Variants in SAMD12 observed in about 807,000 individuals in gnomAD.
SAMD12 encodes sterile alpha motif domain containing 12, also known as sterile alpha motif domain-containing protein 12.
SAMD12 carries 9 observed loss-of-function variants against 15.0 expected under a neutral mutation model. The observed-to-expected ratio is 0.60, with a 90% CI of 0.36 to 1.05. The LOEUF (loss-of-function observed/expected upper bound fraction) is 1.05, where lower values mean the gene tolerates loss of function less well. Among genes scored for constraint, SAMD12 ranks in the 50% least tolerant of loss-of-function variants. The pLI is 0.01. For missense variants in SAMD12, 230 were observed against 234.2 expected, an observed-to-expected ratio of 0.98 and a Z score of 0.12; for synonymous variants, 86 against 90.1, an observed-to-expected ratio of 0.96 and a Z score of 0.25.
At chr8:118,173,733 G>A in the SAMD12 span, among the ~76,000 whole-genome samples, 1 of 150,540 alleles carries the variant, frequency 6.6e-6, no homozygotes, top group Non-Finnish European at 1.5e-5. Context: ...GGGTTCAAGT[G>A]ATTCTCATGC....
chr8:118,620,841 TGACTGCACTCA>T (rs1828381554), intron 1 of SAMD12, among the ~76,000 whole-genome samples: 1 of 152,232 alleles, frequency 6.6e-6, no homozygotes, highest in East Asian at 1.9e-4. Flanking sequence ...CCCTCTGACC[TGACTGCACTCA>T]GAAACCAAAA....
intron 4 of SAMD12, among the ~76,000 whole-genome samples, chr8:118,340,953 T>G (rs778997041): frequency 3.9e-5 from 6 of 152,192 alleles, no homozygotes; most frequent in Non-Finnish European, 7.4e-5. Context: ...AGTTGTCTAT[T>G]CTAAATTTGT....
At chr8:118,320,672 T>TGGGG (rs71569763) in intron 4 of SAMD12, among the ~76,000 whole-genome samples, 157 of 85,296 alleles carry the variant, frequency 1.8e-3, no homozygotes, top group African/African-American at 4.3e-3. Flanking sequence ...TGTCGTGGGG[T>TGGGG]GGGGGGGGTG....
At chr8:118,152,695 C>T in the SAMD12 span, among the ~76,000 whole-genome samples, 37 of 152,196 alleles carry the variant, frequency 2.4e-4, no homozygotes, top group African/African-American at 8.2e-4. Context: ...GACAGGATTT[C>T]ACCATGTCGC....
chr8:118,538,490 C>A (rs2131142823), intron 2 of SAMD12, among the ~76,000 whole-genome samples: 1 of 152,304 alleles, frequency 6.6e-6, no homozygotes, highest in East Asian at 1.9e-4. Context: ...CCCCTGTGGA[C>A]ACTGGTTGAG....
intron 2 of SAMD12, among the ~76,000 whole-genome samples, chr8:118,566,977 T>C (rs545838494): frequency 1.3e-5 from 2 of 152,310 alleles, no homozygotes; most frequent in Middle Eastern, 3.4e-3. Flanking sequence ...AATATATACA[T>C]GTTTTTTCCA....
chr8:118,278,245 A>G (rs962744294), intron 4 of SAMD12, among the ~76,000 whole-genome samples: 1 of 152,196 alleles, frequency 6.6e-6, no homozygotes, highest in Non-Finnish European at 1.5e-5. Flanking sequence ...AAGTTTGCCT[A>G]TTTATGCAAG....
At chr8:118,621,339 G>A (rs548080065) in intron 1 of SAMD12, among the ~76,000 whole-genome samples, 97 of 152,278 alleles carry the variant, frequency 6.4e-4, no homozygotes, top group African/African-American at 2.2e-3. Context: ...ATAGGACGAA[G>A]GGCCCTCGAC....
In SAMD12 at chr8:118,230,917, C is replaced by T. The variant is rs545041690; in HGVS notation, c.434-33185G>A. Among the ~76,000 whole-genome samples, 8 of 152,092 alleles carry T rather than the reference C, an allele frequency of 5.3e-5. No individual in the cohort carries two copies. In the South Asian group the frequency reaches 1.7e-3, roughly 32 times the overall value. ...ATTTTATTCCAAGTGCAATGGAAAGCCAGTGTGGGGTTTTAAGCAGAGAAG... is the reference window on the plus strand; with the variant it reads ...ATTTTATTCCAAGTGCAATGGAAAGTCAGTGTGGGGTTTTAAGCAGAGAAG... On this transcript the variant is annotated intron_variant, in intron 4 of 4. Coordinates refer to the SAMD12 transcript ENST00000409003.
At chr8:118,336,425 G>C (rs1456685824) in intron 4 of SAMD12, among the ~76,000 whole-genome samples, 1 of 152,132 alleles carries the variant, frequency 6.6e-6, no homozygotes, top group Non-Finnish European at 1.5e-5. Context: ...TTAATGAATT[G>C]AGGAAGAAAG....
rs1047336904 is a variant in SAMD12, at chr8:118,378,745, A to T, written c.*672T>A. 8.1e-6 allele frequency: 8 copies of T among 984,522 alleles called. No homozygotes were observed. In the Admixed American group the frequency reaches 2.5e-4, roughly 30 times the overall value. The allele number at this position is 984,522 out of a possible 1,614,324, so 61.0% of individuals were successfully genotyped here. On this transcript the variant is annotated 3_prime_UTR_variant, in exon 4 of 4. Coordinates refer to ENST00000314727, the MANE Select transcript of SAMD12 (RefSeq NM_207506.3). The stretch of plus-strand genomic sequence containing the variant: ...CTAAAATAAAACAAATAAAGTTTAT[A>T]GCCAATGAAGGTTGATAGCATCCAA...
intron 1 of SAMD12, among the ~76,000 whole-genome samples, chr8:118,591,451 T>C (rs770484551): frequency 2.0e-5 from 3 of 152,190 alleles, no homozygotes; most frequent in Middle Eastern, 3.2e-3. Context: ...AAATAACACA[T>C]ATAAAATTCT....
chr8:118,203,292 T>C (rs1324453991), intron 4 of SAMD12, among the ~76,000 whole-genome samples: 1 of 152,218 alleles, frequency 6.6e-6, no homozygotes, highest in African/African-American at 2.4e-5. Context: ...GTCTAAGATC[T>C]TTCCTATGTT....
chr8:118,532,551 G>A (rs1274438384), intron 2 of SAMD12, among the ~76,000 whole-genome samples: 2 of 152,304 alleles, frequency 1.3e-5, no homozygotes, highest in South Asian at 2.1e-4. Flanking sequence ...GAATTCGGCT[G>A]TGAATCCATC....
At chr8:118,190,250 T>C (rs1046311115) in exon 5 of SAMD12, 8 of 152,148 alleles carry the variant, frequency 5.3e-5, no homozygotes, top group African/African-American at 1.4e-4. Context: ...CAATTCACAT[T>C]GTGTAATTTT....
intron 2 of SAMD12, among the ~76,000 whole-genome samples, chr8:118,504,089 C>T (rs886267442): frequency 3.9e-5 from 6 of 152,186 alleles, no homozygotes; most frequent in Non-Finnish European, 5.9e-5. Flanking sequence ...TATTCCCTTA[C>T]TCTTCCCTCT....
chr8:118,544,865 C>T (rs1299856119), intron 2 of SAMD12, among the ~76,000 whole-genome samples: 1 of 152,176 alleles, frequency 6.6e-6, no homozygotes, highest in Non-Finnish European at 1.5e-5. Context: ...TTCTTGAGAA[C>T]ATTCTATGTG....
At chr8:118,492,359 A>C (rs1215481239) in intron 2 of SAMD12, among the ~76,000 whole-genome samples, 1 of 152,178 alleles carries the variant, frequency 6.6e-6, no homozygotes, top group East Asian at 1.9e-4. Flanking sequence ...ATATATGCTG[A>C]ATACAAGTTA....
chr8:118,173,042 G>C, the SAMD12 span, among the ~76,000 whole-genome samples: 1 of 152,176 alleles, frequency 6.6e-6, no homozygotes, highest in African/African-American at 2.4e-5. Flanking sequence ...TAATGTGCCA[G>C]TTCCTAGGAA....
Sources: gnomAD v4.1 joint callset for allele counts (sites outside exome capture counted in the v4.1 genomes callset) on GRCh38, gnomAD v4.1.1 for gene constraint, MANE v1.5 for transcripts, NCBI Gene and HGNC (gene_info 2026-07-23, HGNC 2026-07-21) for gene names.